The following TNRC6A variants were observed in gnomAD, a reference collection of about 807,000 sequenced individuals.
The protein encoded by TNRC6A is trinucleotide repeat containing adaptor 6A, also known as trinucleotide repeat-containing gene 6A protein.
TNRC6A carries 44 observed loss-of-function variants against 221.2 expected under a neutral mutation model. That is an observed-to-expected ratio of 0.20 (90% CI 0.16 to 0.26). TNRC6A has a LOEUF of 0.26. Ranked by LOEUF, TNRC6A falls within the 10% of genes least tolerant of loss-of-function variation. The pLI, the probability that TNRC6A is intolerant of heterozygous loss-of-function variation, is 1.00. For synonymous variants in TNRC6A, 847 were observed against 838.5 expected, an observed-to-expected ratio of 1.01 and a Z score of -0.18; for missense variants, 2,199 against 2,404.4, an observed-to-expected ratio of 0.91 and a Z score of 1.79.
chr16:24,647,921 A>G lies in TNRC6A; in HGVS notation n.402+6912A>G, dbSNP rs1490296622. Among the ~76,000 whole-genome samples the G allele has an allele frequency of 3.9e-5, 6 of 152,204 alleles. No homozygotes were observed. The East Asian group carries it at 5.8e-4, about 15-fold the overall frequency. ...CCACTGCACCCAGCCTATTTTCTAT[A>G]TCTATGAGTTTGACTACTCTAGGAA... On this transcript the variant is annotated intron_variant and non_coding_transcript_variant, in intron 2 of 2. Coordinates refer to the TNRC6A transcript ENST00000566108.
intron 2 of TNRC6A, among the ~76,000 whole-genome samples, chr16:24,735,392 A>G (rs1158582190): frequency 6.6e-6 from 1 of 152,192 alleles, no homozygotes; most frequent in African/African-American, 2.4e-5. Flanking sequence ...CTGAAAAAAA[A>G]GAAAGAAAAT....
At chr16:24,645,277 G>A (rs144665922) in intron 2 of TNRC6A, among the ~76,000 whole-genome samples, 35 of 152,192 alleles carry the variant, frequency 2.3e-4, no homozygotes, top group Non-Finnish European at 4.1e-4. Context: ...AGGCTGAGGC[G>A]GATGGATCAT....
At chr16:24,746,826 C>T (rs777012302) in intron 2 of TNRC6A, among the ~76,000 whole-genome samples, 3 of 152,100 alleles carry the variant, frequency 2.0e-5, no homozygotes, top group African/African-American at 4.8e-5. Flanking sequence ...TGTCAGGAGG[C>T]GCAAGAGTAG....
intron 4 of TNRC6A, chr16:24,776,355 T>C (rs1033063681): frequency 4.1e-6 from 4 of 985,172 alleles, no homozygotes; most frequent in African/African-American, 3.5e-5. Flanking sequence ...TTTAGTTCCA[T>C]GTTCTGAGTT....
At chr16:24,626,807 G>T (rs190736456) in intron 1 of TNRC6A, among the ~76,000 whole-genome samples, 1 of 151,426 alleles carries the variant, frequency 6.6e-6, no homozygotes, top group Non-Finnish European at 1.5e-5. Flanking sequence ...CCACCACCAC[G>T]CCCGGCTAAT....
At chr16:24,707,216 A>G (rs7199355) in intron 2 of TNRC6A, among the ~76,000 whole-genome samples, 39,032 of 151,844 alleles carry the variant, frequency 0.26, 8,301 homozygotes, top group East Asian at 0.72. Context: ...GGCTGGTCTC[A>G]AACTCCTGAC....
intron 2 of TNRC6A, among the ~76,000 whole-genome samples, chr16:24,642,130 C>T (rs138666723): frequency 9.2e-5 from 14 of 152,264 alleles, no homozygotes; most frequent in Middle Eastern, 3.4e-3. Flanking sequence ...CCTGACAGGA[C>T]CAGATTCCTG....
upstream of TNRC6A, among the ~76,000 whole-genome samples, chr16:24,726,907 A>T (rs931347136): frequency 2.0e-4 from 30 of 152,198 alleles, no homozygotes; most frequent in Admixed American, 3.3e-4. Flanking sequence ...ACCAAGTTTA[A>T]GTAAGAGATA....
chr16:24,806,863 C>T (rs1316719235), intron 17 of TNRC6A, 79 bp downstream of exon 17: 8 of 1,332,704 alleles, frequency 6.0e-6, no homozygotes, highest in Admixed American at 1.9e-5. Flanking sequence ...ACCCTTACAG[C>T]TCTGTTCCTT....
intron 15 of TNRC6A, 49 bp from the exon 16 acceptor site, chr16:24,806,157 A>C (rs1207846966): frequency 1.2e-6 from 2 of 1,602,568 alleles, no homozygotes; most frequent in Non-Finnish European, 1.7e-6. Flanking sequence ...GGAAGCACAC[A>C]CTTTGTAATG....
At chr16:24,702,117 T>C (rs112640697) in intron 2 of TNRC6A, among the ~76,000 whole-genome samples, 2 of 133,644 alleles carry the variant, frequency 1.5e-5, no homozygotes, top group East Asian at 4.6e-4. Flanking sequence ...CTTTTTTTTT[T>C]TTTTTTTTGA....
chr16:24,823,889 G>A lies in TNRC6A; in HGVS notation c.*82G>A. 1 of 1,342,308 alleles carries A rather than the reference G, an allele frequency of 7.4e-7. No individual in the cohort carries two copies. The highest frequency in any genetic ancestry group is 2.4e-5 in the South Asian group (1 of 41,176). The allele number at this position is 1,342,308 out of a possible 1,614,324, so 83.1% of individuals were successfully genotyped here. A position where few individuals can be genotyped will look rare whatever the true frequency, so the allele number is the denominator to read the frequency against. ...AGTGGGGCTCGCCGCCTGCAGCCAG[G>A]GGCCGCCTGTGGGAACAGCTATTCT... On this transcript the variant is annotated 3_prime_UTR_variant, in exon 25 of 25. Coordinates refer to ENST00000395799, the MANE Select transcript of TNRC6A (RefSeq NM_014494.4). This position sits in a 1 kb window ranked among gnomAD's most constrained non-coding sequence, Gnocchi z 4.3.
At chr16:24,747,629 GTGTTGT>G (rs200146896) in intron 2 of TNRC6A, among the ~76,000 whole-genome samples, 2 of 152,286 alleles carry the variant, frequency 1.3e-5, no homozygotes, top group African/African-American at 4.8e-5. Context: ...TTGGGCACAG[GTGTTGT>G]TGTTGTTTTT....
At chr16:24,661,060 C>G (rs1446379700) in intron 2 of TNRC6A, among the ~76,000 whole-genome samples, 1 of 151,920 alleles carries the variant, frequency 6.6e-6, no homozygotes, top group Non-Finnish European at 1.5e-5. Flanking sequence ...TCTTCTTAAC[C>G]TTTATCTGGT....
intron 15 of TNRC6A, 105 bp from the exon 16 acceptor site, chr16:24,806,101 G>A: frequency 1.6e-6 from 2 of 1,239,616 alleles, no homozygotes; most frequent in East Asian, 4.9e-5. Context: ...GTTGGCATTG[G>A]CTAGATCACG....
chr16:24,809,453 A>G lies in TNRC6A; in HGVS notation c.4644A>G (p.Thr1548=), dbSNP rs199969028. 454 of 1,586,962 alleles carry G rather than the reference A, an allele frequency of 2.9e-4. No individual in the cohort carries two copies. Among genetic ancestry groups the G allele is most frequent in the Middle Eastern group, 3.5e-4 (2 of 5,788 alleles). Residue 1548 remains threonine (T), a synonymous_variant, in exon 18 of 25, where the codon ACA becomes ACG. Coordinates refer to ENST00000395799, the MANE Select transcript of TNRC6A (RefSeq NM_014494.4). The part of the protein sequence containing the change: ...WTTVDSISVN[T]SLDQNSSKHG... The stretch of plus-strand genomic sequence containing the variant: ...CAGTGGACAGCATTTCTGTGAACAC[A>G]TCTTTGGATCAAAACTCCAGCAAAC...
At chr16:24,819,728 G>GCC in intron 21 of TNRC6A, 1 of 199,450 alleles carries the variant, frequency 5.0e-6, no homozygotes, top group South Asian at 8.9e-5. Flanking sequence ...CTCCTGAGTT[G>GCC]GGGCTCTTTT....
rs1286659003 is a variant in TNRC6A at position 24,791,308 on chromosome 16, A to T, written c.2666A>T (p.Glu889Val). The T allele has an allele frequency of 6.2e-7, 1 of 1,609,424 alleles. No homozygotes were observed. The highest frequency in any genetic ancestry group is 2.2e-5 in the East Asian group (1 of 44,850). Residue 889 changes from glutamate to valine, a missense_variant, in exon 6 of 25, where the codon GAA becomes GTA. This residue lies in a region of TNRC6A where 1,405 missense variants were observed against 1,400.2 expected (regional missense o/e 1.00). Coordinates refer to ENST00000395799, the MANE Select transcript of TNRC6A (RefSeq NM_014494.4). ...GACAGGTCCGTTTCCGGTTGGAACG[A>T]ACTTGGTAAAACTAGTTCTTTCACT... Reference protein sequence around the residue: ...DSDRSVSGWNELGKTSSFTWG... With the variant: ...DSDRSVSGWNVLGKTSSFTWG...
intron 4 of TNRC6A, among the ~76,000 whole-genome samples, chr16:24,775,605 C>T (rs2057702628): frequency 6.6e-6 from 1 of 152,156 alleles, no homozygotes; most frequent in African/African-American, 2.4e-5. Flanking sequence ...ATATTGTAGG[C>T]ATTTGATAAA....
Sources: allele counts gnomAD v4.1 joint callset (sites outside exome capture counted in the v4.1 genomes callset), GRCh38; gene constraint gnomAD v4.1.1; regional missense constraint gnomAD v4.1.1; non-coding constraint Gnocchi (gnomAD v3.1); transcripts MANE v1.5; gene names NCBI Gene and HGNC (gene_info 2026-07-23, HGNC 2026-07-21).